HTT: variants seen among roughly 807,000 people sequenced by gnomAD.
HTT encodes huntington disease protein.
A neutral mutation model predicts 362.3 loss-of-function variants in HTT; 104 were observed. The observed-to-expected ratio is 0.29, with a 90% CI of 0.24 to 0.34. The LOEUF is 0.34. HTT is among the 10% of genes least tolerant of loss of function. The pLI, the probability that HTT is intolerant of heterozygous loss-of-function variation, is 1.00. For missense variants in HTT, 3,301 were observed against 3,928.6 expected, an observed-to-expected ratio of 0.84 and a Z score of 4.27; for synonymous variants, 1,577 against 1,548.7, an observed-to-expected ratio of 1.02 and a Z score of -0.43.
intron 2 of HTT, among the ~76,000 whole-genome samples, chr4:3,097,961 A>G (rs1182954778): frequency 6.6e-6 from 1 of 152,238 alleles, no homozygotes; most frequent in Non-Finnish European, 1.5e-5. Flanking sequence ...ACTGTAAAAA[A>G]TGTTATATAT....
chr4:3,175,144 C>T lies in HTT; in HGVS notation c.4407+37C>T, dbSNP rs748710218. 3.2e-6 allele frequency: 5 copies of T among 1,564,514 alleles called. No individual in the cohort carries two copies. The Admixed American group carries it at 7.4e-5, about 23-fold the overall frequency. ...TTATCTTTCATCCATCATACCTGTT[C>T]CTAATTTAGTACAAATTACCCTAAA... On this transcript the variant is annotated intron_variant, in intron 33 of 66. Transcript: ENST00000355072.
chr4:3,124,675 A>G (rs56021098), intron 10 of HTT, among the ~76,000 whole-genome samples: 5,841 of 152,294 alleles, frequency 0.038, 346 homozygotes, highest in African/African-American at 0.13. Context: ...TTCTCAAGGT[A>G]AAGAACTTAT....
chr4:3,229,327 A>G (rs1158887890), intron 59 of HTT, among the ~76,000 whole-genome samples: 3 of 137,630 alleles, frequency 2.2e-5, no homozygotes, highest in African/African-American at 8.3e-5. Context: ...CACACCACAC[A>G]CACCACATGC....
chr4:3,152,023 G>A (rs1716918103), intron 26 of HTT, among the ~76,000 whole-genome samples: 1 of 151,910 alleles, frequency 6.6e-6, no homozygotes, highest in Admixed American at 6.6e-5. Flanking sequence ...GATCTCCCAG[G>A]CTCAAGTGAT....
At chr4:3,137,656 G>A (rs1180519644) in intron 21 of HTT, among the ~76,000 whole-genome samples, 3 of 152,168 alleles carry the variant, frequency 2.0e-5, no homozygotes, top group Non-Finnish European at 1.5e-5. Flanking sequence ...CAGAGATCGC[G>A]CCACTGCCTT....
rs570610753 is a variant in HTT, at chr4:3,228,390, T to C, written c.7849-225T>C. Among the ~76,000 whole-genome samples the C allele has an allele frequency of 2.0e-5, 3 of 152,198 alleles. No individual in the cohort carries two copies. The highest frequency in any genetic ancestry group is 7.2e-5 in the African/African-American group (3 of 41,450). On this transcript the variant is annotated intron_variant, in intron 57 of 66. Coordinates refer to ENST00000355072, the MANE Select transcript of HTT (RefSeq NM_001388492.1). The surrounding 1 kb of genome is among the most constrained non-coding windows in gnomAD (Gnocchi z 4.3). ...GCTGCTCCTGGGGTTGACTGGCCCC[T>C]GATTCATGCCTTTAGCATGTGCTGG...
intron 53 of HTT, 62 bp from the exon 54 acceptor site, chr4:3,222,325 C>G: frequency 7.0e-7 from 1 of 1,432,018 alleles, no homozygotes; most frequent in Admixed American, 1.7e-5. Flanking sequence ...GCGTAGCTGT[C>G]AGCTCTCCGT....
chr4:3,136,956 C>G (rs983455884), intron 21 of HTT, among the ~76,000 whole-genome samples: 4 of 150,652 alleles, frequency 2.7e-5, no homozygotes, highest in African/African-American at 9.8e-5. Context: ...GAGTCCTGCT[C>G]TATTGTCCAG....
intron 18 of HTT, 35 bp from the exon 19 acceptor site, chr4:3,134,366 C>T (rs1715964650): frequency 6.2e-7 from 1 of 1,600,632 alleles, no homozygotes; most frequent in Non-Finnish European, 8.5e-7. Flanking sequence ...GTGGGACTAA[C>T]CTGCTGTCCT....
At chr4:3,230,931 C>A (rs146605247) in intron 60 of HTT, among the ~76,000 whole-genome samples, 1 of 152,336 alleles carries the variant, frequency 6.6e-6, no homozygotes, top group Non-Finnish European at 1.5e-5. Flanking sequence ...TGTTCATCCT[C>A]TTGAGTTCCT....
At chr4:3,168,956 G>A (rs1717839363) in intron 29 of HTT, among the ~76,000 whole-genome samples, 1 of 151,468 alleles carries the variant, frequency 6.6e-6, no homozygotes, top group Non-Finnish European at 1.5e-5. Flanking sequence ...TATTGAGGTT[G>A]GGTCTGTGGC....
intron 1 of HTT, among the ~76,000 whole-genome samples, chr4:3,080,612 C>T (rs992655285): frequency 6.6e-6 from 1 of 152,096 alleles, no homozygotes; most frequent in African/African-American, 2.4e-5. Context: ...TTGATGAAGT[C>T]GAGTTTATCT....
chr4:3,134,132 GT>G (rs1299283079), intron 18 of HTT, among the ~76,000 whole-genome samples: 3 of 152,186 alleles, frequency 2.0e-5, no homozygotes, highest in Admixed American at 2.0e-4. Flanking sequence ...TGAAGTTGCT[GT>G]TTGAGAGTTG....
intron 33 of HTT, among the ~76,000 whole-genome samples, chr4:3,176,137 C>T (rs1006092894): frequency 6.6e-6 from 1 of 151,566 alleles, no homozygotes; most frequent in African/African-American, 2.4e-5. Context: ...ACGCCATTCT[C>T]CTGCCTCAGC....
intron 8 of HTT, 47 bp from the exon 9 acceptor site, chr4:3,121,181 G>A: frequency 2.2e-6 from 3 of 1,395,048 alleles, no homozygotes; most frequent in Non-Finnish European, 3.0e-6. Flanking sequence ...AGCTTAGGAT[G>A]CATTTTATAA....
At chr4:3,208,583 G>T (rs1719980244) in intron 45 of HTT, among the ~76,000 whole-genome samples, 190 bp from the exon 46 acceptor site, 1 of 152,162 alleles carries the variant, frequency 6.6e-6, no homozygotes, top group African/African-American at 2.4e-5. Flanking sequence ...ATCATGACCT[G>T]TTTGAGTATT....
chr4:3,145,863 A>G (rs983796289), intron 24 of HTT, among the ~76,000 whole-genome samples: 2 of 152,244 alleles, frequency 1.3e-5, no homozygotes, highest in African/African-American at 2.4e-5. Context: ...TATCTGCTCT[A>G]GAATGATTGC....
At chr4:3,121,005 C>T (rs1715272926) in intron 8 of HTT, among the ~76,000 whole-genome samples, 1 of 152,110 alleles carries the variant, frequency 6.6e-6, no homozygotes, top group Non-Finnish European at 1.5e-5. Context: ...AGTGCAAGTG[C>T]TCCATTTATT....
At position 3,149,442 on chromosome 4, in the gene HTT, A is replaced by G. The variant is rs189442426; in HGVS notation, c.3498+1235A>G. On this transcript the variant is annotated intron_variant, in intron 26 of 66. Transcript: ENST00000355072. The stretch of plus-strand genomic sequence containing the variant: ...CCTCTCGAGGCAGATTACAGCTGGG[A>G]TTACAGGCATGCACCACCACACCCA... Among the ~76,000 whole-genome samples the G allele has an allele frequency of 1.8e-3, 280 of 151,990 alleles. 1 individual carries two copies. Among genetic ancestry groups the G allele is most frequent in the African/African-American group, 6.5e-3 (270 of 41,422 alleles).
Sources: gnomAD v4.1 joint callset for allele counts (sites outside exome capture counted in the v4.1 genomes callset) on GRCh38, gnomAD v4.1.1 for gene constraint, Gnocchi (gnomAD v3.1) non-coding constraint, MANE v1.5 for transcripts, NCBI Gene and HGNC (gene_info 2026-07-23, HGNC 2026-07-21) for gene names.